Variants in FAM169A observed in about 807,000 individuals in gnomAD.
FAM169A encodes soluble lamin-associated protein of 75 kDa.
In FAM169A, 24 loss-of-function variants were observed where a neutral mutation model predicts 75.7. The ratio of observed to expected loss-of-function variants is 0.32; its 90% CI spans 0.23 to 0.45. The LOEUF (loss-of-function observed/expected upper bound fraction) is 0.45, where lower values mean the gene tolerates loss of function less well. Ranked by LOEUF, FAM169A falls within the 20% of genes least tolerant of loss-of-function variation. The probability of loss-of-function intolerance (pLI) is 1.00; values close to 1 mark genes in which losing one functional copy is unlikely to be tolerated. For missense variants in FAM169A, 673 were observed against 784.0 expected (o/e 0.86, Z 1.69); for synonymous variants, 271 against 271.0 (o/e 1.00, Z 0.00).
At chr5:74,797,600 C>T (rs1304052316) in intron 10 of FAM169A, among the ~76,000 whole-genome samples, 1 of 152,198 alleles carries the variant, frequency 6.6e-6, no homozygotes, top group African/African-American at 2.4e-5. Flanking sequence ...CCACGAGACA[C>T]ACTTGACTAT....
Position 74,781,937 on chromosome 5 carries a change from C to A in FAM169A, c.1536G>T (p.Glu512Asp), listed in dbSNP as rs762105709. The change falls in exon 13 of 13, where the codon GAG becomes GAT. Residue 512 changes from glutamate to aspartate, a missense_variant. This residue lies in a region of FAM169A where 510 missense variants were observed against 550.9 expected (regional missense o/e 0.93). Transcript: ENST00000687041. ...GTSDEKGHMEEKLSLLPRKKA... is the reference protein window; with the variant it reads ...GTSDEKGHMEDKLSLLPRKKA... Reference sequence around the variant, plus strand: ...TCTTTCTTGGAAGTAGGGACAATTTCTCTTCCATGTGCCCCTTTTCATCAG... The same window carrying A: ...TCTTTCTTGGAAGTAGGGACAATTTATCTTCCATGTGCCCCTTTTCATCAG... 11 of 1,614,008 alleles carry A rather than the reference C, an allele frequency of 6.8e-6. No individual in the cohort carries two copies. In the South Asian group the frequency reaches 1.2e-4, roughly 18 times the overall value.
At chr5:74,858,112 G>A (rs1182764835) in intron 1 of FAM169A, among the ~76,000 whole-genome samples, 2 of 152,008 alleles carry the variant, frequency 1.3e-5, no homozygotes, top group Non-Finnish European at 2.9e-5. Context: ...ACAAGGCCAG[G>A]CGCGGTGGCT....
intron 12 of FAM169A, 97 bp downstream of exon 12, chr5:74,782,834 T>A: frequency 2.6e-6 from 2 of 758,634 alleles, no homozygotes; most frequent in South Asian, 1.9e-5. Flanking sequence ...GCACTGTACA[T>A]GTAAAGGTGG....
At chr5:74,866,612 C>T (rs1750364458), upstream of FAM169A, 1 of 668,610 alleles carries the variant, frequency 1.5e-6, no homozygotes, top group South Asian at 6.6e-5. Context: ...CCGCCCCGGC[C>T]GCCGTCACCC....
intron 11 of FAM169A, among the ~76,000 whole-genome samples, chr5:74,786,892 G>A (rs1429137681): frequency 6.6e-6 from 1 of 152,210 alleles, no homozygotes; most frequent in Admixed American, 6.5e-5. Flanking sequence ...ATGGGGACAC[G>A]TGGGAGGACC....
rs781275092 is a variant in FAM169A, at chr5:74,851,410, A to G, written c.-3-9731T>C. ...CTCATAAGGCTGAAATGAAACTCAT[A>G]AAGTTATTTCAAAGGTGCTCAACAG... is the stretch of plus-strand genomic sequence containing the variant. On this transcript the variant is annotated intron_variant, in intron 1 of 12. Transcript: ENST00000687041. Among the ~76,000 whole-genome samples the G allele has an allele frequency of 2.0e-5, 3 of 152,370 alleles. No individual in the cohort carries two copies. In the East Asian group the frequency reaches 5.8e-4, roughly 29 times the overall value.
rs1745217262 is a variant in FAM169A at position 74,778,168 on chromosome 5, T to TA, written c.*3291dup. The stretch of plus-strand genomic sequence containing the variant: ...CTTGTAAGGTACAAAGAAAGCTTGA[T>TA]ATTAAGTATGAAAACATAAGCATAA... On this transcript the variant is annotated 3_prime_UTR_variant, in exon 13 of 13. Transcript: ENST00000687041. 1 of 152,050 alleles carries TA rather than the reference T, an allele frequency of 6.6e-6. No individual in the cohort carries two copies. Among genetic ancestry groups the TA allele is most frequent in the South Asian group, 2.1e-4 (1 of 4,834 alleles). 9.4% of individuals were successfully genotyped at this position (152,050 alleles called of 1,614,324 possible).
intron 1 of FAM169A, among the ~76,000 whole-genome samples, chr5:74,850,841 T>C (rs1749405052): frequency 6.6e-6 from 1 of 152,190 alleles, no homozygotes; most frequent in Admixed American, 6.5e-5. Flanking sequence ...AGGTCATGAA[T>C]AGAAAATTCA....
At chr5:74,814,701 T>C (rs1747380959) in intron 5 of FAM169A, among the ~76,000 whole-genome samples, 1 of 152,202 alleles carries the variant, frequency 6.6e-6, no homozygotes, top group African/African-American at 2.4e-5. Flanking sequence ...ATCTCTCTCC[T>C]TATTATACAG....
At chr5:74,811,293 T>C (rs1747181329) in intron 6 of FAM169A, among the ~76,000 whole-genome samples, 1 of 152,208 alleles carries the variant, frequency 6.6e-6, no homozygotes, top group Non-Finnish European at 1.5e-5. Context: ...TAATCATCTG[T>C]AAATCATTTG....
chr5:74,866,646 G>C (rs1580187942), upstream of FAM169A: 1 of 791,862 alleles, frequency 1.3e-6, no homozygotes, highest in Non-Finnish European at 1.5e-6. Context: ...CCAGCTCAGG[G>C]CAATGGCCTG....
chr5:74,815,458 C>T (rs1747422991), intron 5 of FAM169A, among the ~76,000 whole-genome samples: 1 of 152,176 alleles, frequency 6.6e-6, no homozygotes, highest in Non-Finnish European at 1.5e-5. Flanking sequence ...TCCCAAAGTG[C>T]TAGCGTGAGC....
intron 4 of FAM169A, among the ~76,000 whole-genome samples, chr5:74,837,232 CT>C (rs1252126280): frequency 1.3e-5 from 2 of 152,154 alleles, no homozygotes; most frequent in Non-Finnish European, 2.9e-5. Flanking sequence ...CTTCTTTTCA[CT>C]ATCAGAACTG....
In FAM169A at chr5:74,863,023, T is replaced by TAAA. The variant is rs10634527; in HGVS notation, c.-4+3139_-4+3141dup. 1.3e-3 allele frequency among the ~76,000 whole-genome samples: 160 copies of TAAA among 126,580 alleles called. 3 individuals are homozygous for TAAA. Among genetic ancestry groups the TAAA allele is most frequent in the Admixed American group, 1.6e-3 (19 of 11,566 alleles). 83.0% of individuals were successfully genotyped at this position (126,580 alleles called of 152,430 possible). On this transcript the variant is annotated intron_variant, in intron 1 of 12. Coordinates refer to ENST00000687041, the MANE Select transcript of FAM169A (RefSeq NM_001376049.1). The stretch of plus-strand genomic sequence containing the variant: ...GCTAGTAACCAAAACTGTATTCATT[T>TAAA]AAAAAAAAAAAAAAAAGGCAGGGGT...
intron 6 of FAM169A, among the ~76,000 whole-genome samples, chr5:74,812,350 T>C (rs1747241327): frequency 6.6e-6 from 1 of 152,010 alleles, no homozygotes; most frequent in African/African-American, 2.4e-5. Context: ...TGGTCTCGAA[T>C]TCCTGAGCTC....
chr5:74,795,655 G>A (rs2112505984), intron 11 of FAM169A, among the ~76,000 whole-genome samples: 1 of 152,196 alleles, frequency 6.6e-6, no homozygotes, highest in South Asian at 2.1e-4. Context: ...TGCCCCTGAA[G>A]GTTTATTGCA....
At chr5:74,824,049 C>T (rs749363629) in intron 5 of FAM169A, among the ~76,000 whole-genome samples, 7 of 152,082 alleles carry the variant, frequency 4.6e-5, no homozygotes, top group Non-Finnish European at 8.8e-5. Flanking sequence ...GGAAAGCTGA[C>T]GAGTAAATGT....
intron 5 of FAM169A, among the ~76,000 whole-genome samples, chr5:74,833,270 C>T (rs1388952460): frequency 6.6e-6 from 1 of 151,166 alleles, no homozygotes; most frequent in East Asian, 2.0e-4. Flanking sequence ...CAACTGCAAA[C>T]ATTAAAACAT....
intron 1 of FAM169A, chr5:74,848,961 C>A (rs902327051): frequency 6.6e-6 from 1 of 152,132 alleles, no homozygotes; most frequent in Non-Finnish European, 1.5e-5. Context: ...ACTTTATGCT[C>A]TGTCCATGAG....
Sources: gnomAD v4.1 joint callset for allele counts (sites outside exome capture counted in the v4.1 genomes callset) on GRCh38, gnomAD v4.1.1 for gene constraint, gnomAD v4.1.1 regional missense constraint, MANE v1.5 for transcripts, NCBI Gene and HGNC (gene_info 2026-07-23, HGNC 2026-07-21) for gene names.